EML5: variants seen among roughly 807,000 people sequenced by gnomAD.
The protein encoded by EML5 is echinoderm microtubule-associated protein-like 5.
A neutral mutation model predicts 250.0 loss-of-function variants in EML5; 120 were observed. The ratio of observed to expected loss-of-function variants is 0.48; its 90% CI spans 0.41 to 0.56. The LOEUF (loss-of-function observed/expected upper bound fraction) is 0.56. Among genes scored for constraint, EML5 ranks in the 20% least tolerant of loss-of-function variants. The pLI, the probability that EML5 is intolerant of heterozygous loss-of-function variation, is 0.00. For missense variants in EML5, 2,006 were observed against 2,437.6 expected, an observed-to-expected ratio of 0.82 and a Z score of 3.73; for synonymous variants, 771 against 806.5, an observed-to-expected ratio of 0.96 and a Z score of 0.75.
intron 1 of EML5, among the ~76,000 whole-genome samples, chr14:88,784,869 A>G (rs574754105): frequency 1.5e-4 from 23 of 151,724 alleles, no homozygotes; most frequent in African/African-American, 5.6e-4. Flanking sequence ...GGAAATCAGG[A>G]TATCAAGGAG....
chr14:88,658,246 T>C lies in EML5; in HGVS notation c.3818A>G (p.Tyr1273Cys), dbSNP rs1386658439. Residue 1273 changes from tyrosine (Y) to cysteine (C), a missense_variant, in exon 26 of 44, where the codon TAT becomes TGT. Physicochemically the swap from Tyr to Cys is radical, Grantham distance 194. Around this residue, in one of 7 missense-constraint regions of EML5, gnomAD observed 1,375 missense variants for 1,590.3 expected, o/e 0.86. Coordinates refer to ENST00000554922, the MANE Select transcript of EML5 (RefSeq NM_183387.3). ...ACTATCACAAGGCCTTTTTTCTCGATAGCCTTCCATCTCATTTGTCCACAC... is the reference window on the plus strand; with the variant it reads ...ACTATCACAAGGCCTTTTTTCTCGACAGCCTTCCATCTCATTTGTCCACAC... The part of the protein sequence containing the change: ...LMVWTNEMEG[Y>C]REKRPCDSEE... 2 of 1,613,688 alleles carry C rather than the reference T, an allele frequency of 1.2e-6. No homozygotes were observed. Among genetic ancestry groups the C allele is most frequent in the African/African-American group, 1.3e-5 (1 of 74,918 alleles).
At chr14:88,753,680 T>A (rs1566753412) in intron 2 of EML5, among the ~76,000 whole-genome samples, 1 of 152,172 alleles carries the variant, frequency 6.6e-6, no homozygotes, top group African/African-American at 2.4e-5. Context: ...TTAAAATCAT[T>A]GACTAGAAGT....
At chr14:88,743,607 C>T (rs531702922) in intron 4 of EML5, among the ~76,000 whole-genome samples, 1 of 152,134 alleles carries the variant, frequency 6.6e-6, no homozygotes, top group African/African-American at 2.4e-5. Context: ...GGTTAAATAA[C>T]TCATAGCAGG....
At chr14:88,741,439 T>C (rs2093924163) in intron 4 of EML5, among the ~76,000 whole-genome samples, 1 of 152,200 alleles carries the variant, frequency 6.6e-6, no homozygotes, top group South Asian at 2.1e-4. Context: ...TGTTCATTCT[T>C]GGGAGAAAAT....
chr14:88,621,605 G>A (rs2088956285), intron 37 of EML5: 1 of 411,290 alleles, frequency 2.4e-6, no homozygotes, highest in East Asian at 4.8e-5. Context: ...TTTCCAAACT[G>A]GGGTCAGTGC....
chr14:88,754,113 G>A lies in EML5; in HGVS notation c.357+399C>T, dbSNP rs904163590. On this transcript the variant is annotated intron_variant, in intron 2 of 43. Coordinates refer to ENST00000554922, the MANE Select transcript of EML5 (RefSeq NM_183387.3). Reference sequence around the variant, plus strand: ...TGCACTCCAGCCTGGGCAGCAGAGCGTGACCCTGTCTCTAAAAATAAAAAA... The same window carrying A: ...TGCACTCCAGCCTGGGCAGCAGAGCATGACCCTGTCTCTAAAAATAAAAAA... Among the ~76,000 whole-genome samples, 7 of 152,076 alleles carry A rather than the reference G, an allele frequency of 4.6e-5. No individual in the cohort carries two copies. In the South Asian group the frequency reaches 6.2e-4, roughly 13 times the overall value.
At position 88,673,728 on chromosome 14, in the gene EML5, CCAA is replaced by C. The variant is rs571301400; in HGVS notation, c.3124+8159_3124+8161del. 1.4e-4 allele frequency among the ~76,000 whole-genome samples: 22 copies of C among 152,260 alleles called. 1 individual carries two copies. The South Asian group carries it at 4.3e-3, about 30-fold the overall frequency. On this transcript the variant is annotated intron_variant, in intron 21 of 43. Coordinates refer to ENST00000554922, the MANE Select transcript of EML5 (RefSeq NM_183387.3). ...CAAAAATTACAAGCATTCCTATATA[CCAA>C]CAACAGAAAACAGAGAGCCAAATCA...
intron 1 of EML5, among the ~76,000 whole-genome samples, chr14:88,761,266 T>C (rs2094238467): frequency 6.6e-6 from 1 of 152,134 alleles, no homozygotes; most frequent in South Asian, 2.1e-4. Context: ...GTTTGTTGCA[T>C]AGGTATACAT....
chr14:88,681,750 C>G (rs1304599887), intron 21 of EML5, 140 bp downstream of exon 21: 1 of 987,138 alleles, frequency 1.0e-6, no homozygotes, highest in African/African-American at 1.7e-5. Flanking sequence ...CTATGTGGCA[C>G]CATGAGCAAG....
chr14:88,749,632 CAGA>C lies in EML5; in HGVS notation c.358-3352_358-3350del, dbSNP rs536993052. ...AAATAAATGACGATAGCACCATAAA[CAGA>C]AGAAAGGAAACAGCAGAATATACTT... On this transcript the variant is annotated intron_variant, in intron 2 of 43. Transcript: ENST00000554922. Among the ~76,000 whole-genome samples, 221 of 152,072 alleles carry C rather than the reference CAGA, an allele frequency of 1.5e-3. 2 individuals carry two copies. The highest frequency in any genetic ancestry group is 5.2e-3 in the African/African-American group (217 of 41,512).
intron 1 of EML5, among the ~76,000 whole-genome samples, chr14:88,782,780 A>G (rs2140798689): frequency 6.6e-6 from 1 of 152,314 alleles, no homozygotes; most frequent in African/African-American, 2.4e-5. Flanking sequence ...GATTTCAGAG[A>G]ATGTATGAAA....
chr14:88,704,371 C>T (rs1388508144), intron 13 of EML5, among the ~76,000 whole-genome samples: 2 of 152,134 alleles, frequency 1.3e-5, no homozygotes, highest in African/African-American at 4.8e-5. Context: ...GATGCTGGTG[C>T]CCTGCTTGTA....
At chr14:88,666,966 G>A (rs2092325742) in intron 21 of EML5, among the ~76,000 whole-genome samples, 1 of 152,084 alleles carries the variant, frequency 6.6e-6, no homozygotes, top group Non-Finnish European at 1.5e-5. Flanking sequence ...GGTGGCAGCA[G>A]TGGAGGTGAT....
chr14:88,688,619 A>C (rs1259104193), intron 17 of EML5, 146 bp from the exon 18 acceptor site: 5 of 785,944 alleles, frequency 6.4e-6, no homozygotes, highest in Non-Finnish European at 1.0e-5. Context: ...AGGTGTCTCA[A>C]TCAGTGATGT....
At chr14:88,636,664 C>G (rs1281963079) in intron 32 of EML5, among the ~76,000 whole-genome samples, 1 of 151,864 alleles carries the variant, frequency 6.6e-6, no homozygotes, top group Non-Finnish European at 1.5e-5. Flanking sequence ...CTGTCACAAA[C>G]AAAGAAACAA....
chr14:88,779,786 TCA>T (rs2094479164), intron 1 of EML5, among the ~76,000 whole-genome samples: 3 of 152,296 alleles, frequency 2.0e-5, no homozygotes, highest in East Asian at 1.9e-4. Flanking sequence ...ACTGGCTTTG[TCA>T]CAGTTTTGTA....
At chr14:88,782,533 G>A (rs1290506959) in intron 1 of EML5, among the ~76,000 whole-genome samples, 3 of 152,082 alleles carry the variant, frequency 2.0e-5, no homozygotes, top group Admixed American at 6.5e-5. Context: ...TCACAGGCTC[G>A]GAGGCCTCAG....
chr14:88,706,287 C>T lies in EML5; in HGVS notation c.1797G>A (p.Leu599=), dbSNP rs1321237117. 6.2e-7 allele frequency: 1 copy of T among 1,608,716 alleles called. No individual in the cohort carries two copies. Among genetic ancestry groups the T allele is most frequent in the Non-Finnish European group, 8.5e-7 (1 of 1,177,858 alleles). Residue 599 remains leucine, a synonymous_variant, in exon 11 of 44, where the codon CTG becomes CTA. Transcript: ENST00000554922. ...FQWKFIPERK[L]KDAVHIAPQE... is the part of the protein sequence containing the mutation. The stretch of plus-strand genomic sequence containing the variant: ...GGGGTGCTATGTGAACAGCATCTTT[C>T]AGTTTTCTTTCAGGAATAAATTTCC...
In EML5 at chr14:88,707,575, T is replaced by G. The variant is rs185855069; in HGVS notation, c.1658-1149A>C. ...ACTTTATATTAAGTTATAGAAGACT[T>G]GTATATCAGGATGTCAAAGCCCCAT... On this transcript the variant is annotated intron_variant, in intron 10 of 43. Transcript: ENST00000554922. Among the ~76,000 whole-genome samples, 19 of 152,252 alleles carry G rather than the reference T, an allele frequency of 1.2e-4. No individual in the cohort carries two copies. The East Asian group carries it at 3.7e-3, about 29-fold the overall frequency.
Sources: gnomAD v4.1 joint callset for allele counts (sites outside exome capture counted in the v4.1 genomes callset) on GRCh38, gnomAD v4.1.1 for gene constraint, gnomAD v4.1.1 regional missense constraint, MANE v1.5 for transcripts, NCBI Gene and HGNC (gene_info 2026-07-23, HGNC 2026-07-21) for gene names.